Variants in PLXNA4 observed in about 807,000 individuals in gnomAD.
The protein encoded by PLXNA4 is plexin-A4.
A neutral mutation model predicts 191.8 loss-of-function variants in PLXNA4; 44 were observed. That is an observed-to-expected ratio of 0.23 (90% CI 0.18 to 0.29). The LOEUF is 0.29. Among genes scored for constraint, PLXNA4 ranks in the 10% least tolerant of loss-of-function variants. The pLI is 1.00. For synonymous variants in PLXNA4, 1,082 were observed against 1,009.5 expected, an observed-to-expected ratio of 1.07 and a Z score of -1.36; for missense variants, 1,800 against 2,488.8, an observed-to-expected ratio of 0.72 and a Z score of 5.89.
chr7:132,159,421 G>T, intron 25 of PLXNA4, 52 bp downstream of exon 25: 1 of 1,600,182 alleles, frequency 6.2e-7, no homozygotes, highest in Non-Finnish European at 8.5e-7. Flanking sequence ...AGAAGGTGAG[G>T]TGTGTTCAGG....
chr7:132,171,300 A>G (rs1042084149), intron 21 of PLXNA4, among the ~76,000 whole-genome samples: 1 of 152,242 alleles, frequency 6.6e-6, no homozygotes, highest in Admixed American at 6.5e-5. Context: ...CTCTCAGAGA[A>G]GCTATTGCAG....
chr7:132,459,776 C>G (rs568569449), intron 3 of PLXNA4, among the ~76,000 whole-genome samples: 45 of 152,252 alleles, frequency 3.0e-4, no homozygotes, highest in African/African-American at 1.0e-3. Flanking sequence ...ATACAATATC[C>G]CAAAACAAAG....
chr7:132,597,816 G>A (rs1802741998), intron 2 of PLXNA4, among the ~76,000 whole-genome samples: 1 of 150,256 alleles, frequency 6.7e-6, no homozygotes, highest in African/African-American at 2.4e-5. Context: ...TCAATATTAA[G>A]TTCTAAGAAT....
At chr7:132,571,284 G>T (rs1243713501) in intron 1 of PLXNA4, among the ~76,000 whole-genome samples, 2 of 152,130 alleles carry the variant, frequency 1.3e-5, no homozygotes, top group East Asian at 3.9e-4. Context: ...CCTTGCCTTA[G>T]CCTGCACCAT....
At position 132,179,816 on chromosome 7, in the gene PLXNA4, G is replaced by T. The variant is rs1005851874; in HGVS notation, c.3745C>A (p.Leu1249Ile). Residue 1249 changes from leucine (L) to isoleucine (I), a missense_variant, in exon 20 of 32, where the codon CTC (leucine) becomes ATC (isoleucine). Around this residue, in one of 6 missense-constraint regions of PLXNA4, gnomAD observed 1,397 missense variants for 1,880.4 expected, o/e 0.74. Transcript: ENST00000321063. ...AGCACGGCCACGATGAAAATGATGA[G>T]GAGGCCGCCAGCCACTGCGATGCTG... is the stretch of plus-strand genomic sequence containing the variant. ...IVSIAVAGGL[L>I]IIFIVAVLIA... 1.4e-5 allele frequency: 23 copies of T among 1,612,592 alleles called. No individual in the cohort carries two copies. The highest frequency in any genetic ancestry group is 1.9e-5 in the Non-Finnish European group (23 of 1,179,862).
intron 2 of PLXNA4, among the ~76,000 whole-genome samples, chr7:132,623,747 T>C (rs1314641674): frequency 6.6e-6 from 1 of 152,118 alleles, no homozygotes; most frequent in African/African-American, 2.4e-5. Flanking sequence ...CCAAAGGCCT[T>C]TACAGGTGAC....
intron 1 of PLXNA4, among the ~76,000 whole-genome samples, chr7:132,555,045 G>GAAAAAAAAAAAAAA (rs1554467852): frequency 8.9e-6 from 1 of 111,916 alleles, no homozygotes; most frequent in South Asian, 2.8e-4. Context: ...AAACCTGAAG[G>GAAAAAAAAAAAAAA]AAAAAAAAAA....
At chr7:132,459,381 T>G (rs1012562362) in intron 3 of PLXNA4, among the ~76,000 whole-genome samples, 2 of 152,214 alleles carry the variant, frequency 1.3e-5, no homozygotes, top group African/African-American at 4.8e-5. Flanking sequence ...AATATAGCCT[T>G]CTTGATCATA....
chr7:132,405,833 C>T (rs1192476003), intron 3 of PLXNA4, among the ~76,000 whole-genome samples: 1 of 152,204 alleles, frequency 6.6e-6, no homozygotes, highest in Non-Finnish European at 1.5e-5. Flanking sequence ...GGAAATCTTA[C>T]TCACATTGAA....
intron 1 of PLXNA4, among the ~76,000 whole-genome samples, chr7:132,539,862 T>A (rs1799994415): frequency 6.6e-6 from 1 of 152,200 alleles, no homozygotes; most frequent in Non-Finnish European, 1.5e-5. Flanking sequence ...TTGAAAGGAA[T>A]CGTTCAAGGT....
intron 4 of PLXNA4, among the ~76,000 whole-genome samples, chr7:132,295,690 A>T (rs1352792626): frequency 2.0e-5 from 3 of 152,000 alleles, no homozygotes; most frequent in Non-Finnish European, 4.4e-5. Context: ...CCTTGGCCTC[A>T]CCTGGGCTGC....
intron 1 of PLXNA4, among the ~76,000 whole-genome samples, chr7:132,518,832 C>T (rs1299996927): frequency 1.3e-5 from 2 of 152,162 alleles, no homozygotes; most frequent in Non-Finnish European, 2.9e-5. Context: ...GGTTTCCACG[C>T]CCTCCTTCCT....
rs1235418949 is a variant in PLXNA4, at chr7:132,178,721, CACACACACACTTGTAAATGAAACACAT to C, written c.3874+939_3874+965del. ...ACACATACACATACACATACACACA[CACACACACACTTGTAAATGAAACACAT>C]ACACACACACACACACACACACACA... is the stretch of plus-strand genomic sequence containing the variant. On this transcript the variant is annotated intron_variant, in intron 20 of 31. Transcript: ENST00000321063. Among the ~76,000 whole-genome samples the C allele has an allele frequency of 3.4e-4, 41 of 122,354 alleles. 1 individual carries two copies. The highest frequency in any genetic ancestry group is 1.3e-3 in the African/African-American group (31 of 24,370). The allele number at this position is 122,354 out of a possible 152,430, so 80.3% of individuals were successfully genotyped here.
chr7:132,507,011 C>T (rs2116238976), intron 2 of PLXNA4, among the ~76,000 whole-genome samples: 1 of 152,366 alleles, frequency 6.6e-6, no homozygotes, highest in African/African-American at 2.4e-5. Flanking sequence ...ACACACCTCT[C>T]CTGAAATTCC....
At chr7:132,368,218 G>A (rs1200066901) in intron 3 of PLXNA4, among the ~76,000 whole-genome samples, 3 of 152,184 alleles carry the variant, frequency 2.0e-5, no homozygotes, top group South Asian at 2.1e-4. Flanking sequence ...AGAACGAAGG[G>A]CATTTAGAGG....
intron 1 of PLXNA4, among the ~76,000 whole-genome samples, chr7:132,545,999 C>A (rs2116535609): frequency 6.6e-6 from 1 of 152,362 alleles, no homozygotes; most frequent in African/African-American, 2.4e-5. Context: ...CCTTTGATAA[C>A]CACAATCATC....
chr7:132,217,045 T>A (rs1393066326), intron 9 of PLXNA4, among the ~76,000 whole-genome samples: 1 of 152,122 alleles, frequency 6.6e-6, no homozygotes, highest in Non-Finnish European at 1.5e-5. Flanking sequence ...GGGTGAGAAG[T>A]GGCAGCAGCT....
chr7:132,294,469 C>T lies in PLXNA4; in HGVS notation c.1503+3622G>A, dbSNP rs139742362. 1.5e-3 allele frequency among the ~76,000 whole-genome samples: 231 copies of T among 152,184 alleles called. 1 individual carries two copies. The highest frequency in any genetic ancestry group is 3.7e-3 in the African/African-American group (152 of 41,506). On this transcript the variant is annotated intron_variant, in intron 4 of 31. Coordinates refer to ENST00000321063, the MANE Select transcript of PLXNA4 (RefSeq NM_020911.2). ...ACTTTGGTCATTGAAAGGATTTAAA[C>T]GGAGGAATGACACTATCTAACTCAA...
chr7:132,199,980 T>G (rs1177619990), intron 12 of PLXNA4, among the ~76,000 whole-genome samples: 1 of 152,146 alleles, frequency 6.6e-6, no homozygotes, highest in Non-Finnish European at 1.5e-5. Context: ...TGGACAGATG[T>G]GGGGAAGGTC....
Sources: gnomAD v4.1 joint callset for allele counts (sites outside exome capture counted in the v4.1 genomes callset) on GRCh38, gnomAD v4.1.1 for gene constraint, gnomAD v4.1.1 regional missense constraint, MANE v1.5 for transcripts, NCBI Gene and HGNC (gene_info 2026-07-23, HGNC 2026-07-21) for gene names.